The following EXOC2 variants were observed in gnomAD, a reference collection of about 807,000 sequenced individuals.
The protein encoded by EXOC2 is SEC5-like 1.
A neutral mutation model predicts 131.8 loss-of-function variants in EXOC2; 70 were observed. The observed-to-expected ratio is 0.53, with a 90% confidence interval of 0.44 to 0.65. The LOEUF (loss-of-function observed/expected upper bound fraction) is 0.65. Among genes scored for constraint, EXOC2 ranks in the 30% least tolerant of loss-of-function variants. The pLI, the probability that EXOC2 is intolerant of heterozygous loss-of-function variation, is 0.00. For synonymous variants in EXOC2, 411 were observed against 398.4 expected, an observed-to-expected ratio of 1.03 and a Z score of -0.38; for missense variants, 923 against 1,108.6, an observed-to-expected ratio of 0.83 and a Z score of 2.38.
intron 4 of EXOC2, among the ~76,000 whole-genome samples, chr6:629,146 C>T (rs1037852303): frequency 6.6e-6 from 1 of 152,196 alleles, no homozygotes; most frequent in African/African-American, 2.4e-5. Context: ...AAAGTATTAA[C>T]AGTGCTAATT....
At chr6:656,485 C>G in intron 1 of EXOC2, 2 of 1,609,196 alleles carry the variant, frequency 1.2e-6, no homozygotes, top group Non-Finnish European at 1.7e-6. Context: ...ATGCTCGCGT[C>G]GGAGGCGCGC....
chr6:587,551 T>C (rs1023125285), intron 11 of EXOC2, among the ~76,000 whole-genome samples: 6 of 152,248 alleles, frequency 3.9e-5, no homozygotes, highest in African/African-American at 1.4e-4. Flanking sequence ...GCCATAGATA[T>C]GTGTATATTA....
In EXOC2 at chr6:566,960, C is replaced by T. The variant is rs571447863; in HGVS notation, c.1444-2031G>A. ...ACTGCGAGCAACGTCAGAATTCTTG[C>T]TTTCCTCTCCCTCACCTGAACACCA... is the stretch of plus-strand genomic sequence containing the variant. On this transcript the variant is annotated intron_variant, in intron 13 of 27. Transcript: ENST00000230449. Among the ~76,000 whole-genome samples, 124 of 152,286 alleles carry T rather than the reference C, an allele frequency of 8.1e-4. 1 individual carries two copies. The highest frequency in any genetic ancestry group is 2.6e-3 in the African/African-American group (107 of 41,532).
In EXOC2 at chr6:645,238, TAA is replaced by T. The variant is rs536703571; in HGVS notation, c.-43-7379_-43-7378del. Among the ~76,000 whole-genome samples, 11 of 121,586 alleles carry T rather than the reference TAA, an allele frequency of 9.0e-5. No homozygotes were observed. The East Asian group carries it at 1.1e-3, about 12-fold the overall frequency. 79.8% of individuals were successfully genotyped at this position (121,586 alleles called of 152,430 possible). A position where few individuals can be genotyped will look rare whatever the true frequency, so the allele number is the denominator to read the frequency against. On this transcript the variant is annotated intron_variant, in intron 1 of 27. Coordinates refer to ENST00000230449, the MANE Select transcript of EXOC2 (RefSeq NM_018303.6). ...GTGTTGAAAAAACTGGATAGCTACA[TAA>T]AAAAAAAAAAAGGAATGTTAACTGC...
intron 26 of EXOC2, among the ~76,000 whole-genome samples, chr6:490,201 C>T (rs1055816058): frequency 6.6e-6 from 1 of 152,118 alleles, no homozygotes; most frequent in Non-Finnish European, 1.5e-5. Flanking sequence ...CATTTAACAC[C>T]CTCAAAAGCT....
intron 1 of EXOC2, among the ~76,000 whole-genome samples, chr6:641,285 T>C (rs1467777081): frequency 6.6e-6 from 1 of 152,026 alleles, no homozygotes; most frequent in East Asian, 1.9e-4. Flanking sequence ...TGGGGTATGT[T>C]GTATAATAGA....
rs535625221 is a variant in EXOC2 at position 678,619 on chromosome 6, G to T, written c.-44+14400C>A. 1.4e-3 allele frequency among the ~76,000 whole-genome samples: 212 copies of T among 152,322 alleles called. 1 individual carries two copies. Among genetic ancestry groups the T allele is most frequent in the African/African-American group, 4.5e-3 (185 of 41,570 alleles). ...TTGTGCTGCATAACTTAAGAAAGAT[G>T]AAAGCAGCAGGCAGAGAGGGCTGAC... On this transcript the variant is annotated intron_variant, in intron 1 of 27. Coordinates refer to ENST00000230449, the MANE Select transcript of EXOC2 (RefSeq NM_018303.6).
chr6:654,301 A>G (rs954133841), intron 1 of EXOC2, among the ~76,000 whole-genome samples: 1 of 152,228 alleles, frequency 6.6e-6, no homozygotes, highest in Non-Finnish European at 1.5e-5. Context: ...GGATCTTGGC[A>G]AAGTGAATGG....
In EXOC2 at chr6:485,999, TAA is replaced by T. The variant is rs1017901745; in HGVS notation, c.*670_*671del. The T allele has an allele frequency of 1.3e-5, 2 of 152,030 alleles. No homozygotes were observed. Among genetic ancestry groups the T allele is most frequent in the East Asian group, 1.9e-4 (1 of 5,190 alleles). The allele number at this position is 152,030 out of a possible 1,614,324, so 9.4% of individuals were successfully genotyped here. A position where few individuals can be genotyped will look rare whatever the true frequency, so the allele number is the denominator to read the frequency against. On this transcript the variant is annotated 3_prime_UTR_variant, in exon 28 of 28. Coordinates refer to ENST00000230449, the MANE Select transcript of EXOC2 (RefSeq NM_018303.6). ...GCATGTGTAGTGACGCACGACAAAT[TAA>T]GAGTGAGTGAGAATGAAAGCTCATG...
chr6:640,377 T>C (rs2127720303), intron 1 of EXOC2, among the ~76,000 whole-genome samples: 1 of 152,104 alleles, frequency 6.6e-6, no homozygotes, highest in Non-Finnish European at 1.5e-5. Context: ...CCAAAGGGAA[T>C]GAGGAAAGAT....
Position 564,569 on chromosome 6 carries a change from A to C in EXOC2, c.1643T>G (p.Leu548Arg). Reference sequence around the variant, plus strand: ...CCTTACAGTCTGGATGGCGTGAGCGAGCCACTGTCCGGAGAGCTCGCACTT... The same window carrying C: ...CCTTACAGTCTGGATGGCGTGAGCGCGCCACTGTCCGGAGAGCTCGCACTT... The part of the protein sequence containing the change: ...EVKCELSGQW[L>R]AHAIQTVRLT... Residue 548 changes from leucine to arginine, a missense_variant, in exon 15 of 28, where the codon CTC (leucine) becomes CGC (arginine). By Grantham distance (102) the Leu-to-Arg change is moderately radical (BLOSUM62 -2). Coordinates refer to ENST00000230449, the MANE Select transcript of EXOC2 (RefSeq NM_018303.6). 6.2e-7 allele frequency: 1 copy of C among 1,614,208 alleles called. No individual in the cohort carries two copies. The highest frequency in any genetic ancestry group is 8.5e-7 in the Non-Finnish European group (1 of 1,180,050).
intron 11 of EXOC2, 131 bp downstream of exon 11, chr6:592,338 A>G (rs913612663): frequency 6.4e-6 from 5 of 786,098 alleles, no homozygotes; most frequent in African/African-American, 1.7e-5. Flanking sequence ...AAAAACCACA[A>G]AACAAGCAAA....
chr6:572,426 C>T, intron 13 of EXOC2, 94 bp downstream of exon 13: 1 of 1,454,864 alleles, frequency 6.9e-7, no homozygotes, highest in Non-Finnish European at 9.2e-7. Flanking sequence ...GATGTTGGGC[C>T]TCTACATTTT....
At chr6:501,974 G>A (rs1261171828) in intron 23 of EXOC2, among the ~76,000 whole-genome samples, 1 of 152,078 alleles carries the variant, frequency 6.6e-6, no homozygotes, top group Non-Finnish European at 1.5e-5. Context: ...TCCCGCAGGA[G>A]GAAAGCCACA....
chr6:634,573 G>C (rs1241393219), intron 2 of EXOC2, among the ~76,000 whole-genome samples: 1 of 152,134 alleles, frequency 6.6e-6, no homozygotes, highest in Non-Finnish European at 1.5e-5. Flanking sequence ...TATTTAGTAA[G>C]AATGTTAAAC....
intron 23 of EXOC2, among the ~76,000 whole-genome samples, chr6:510,483 T>G (rs1764778147): frequency 1.2e-4 from 18 of 152,126 alleles, no homozygotes; most frequent in Admixed American, 1.2e-3. Flanking sequence ...TTGCCAACAG[T>G]GAAAATAACA....
intron 2 of EXOC2, among the ~76,000 whole-genome samples, chr6:637,111 C>A (rs987253441): frequency 1.3e-5 from 2 of 151,824 alleles, no homozygotes; most frequent in African/African-American, 4.8e-5. Context: ...GGTGTGGTGT[C>A]CTAACCATTC....
At chr6:524,842 C>T (rs1765656094) in intron 23 of EXOC2, 1 of 151,744 alleles carries the variant, frequency 6.6e-6, no homozygotes, top group Non-Finnish European at 1.5e-5. Context: ...ACATATCAAC[C>T]ATTTCTGATT....
chr6:514,795 G>A (rs1278280911), intron 23 of EXOC2, among the ~76,000 whole-genome samples: 1 of 152,230 alleles, frequency 6.6e-6, no homozygotes, highest in East Asian at 1.9e-4. Context: ...AGAACCAGCA[G>A]GCAGGCCCTG....
Sources: gnomAD v4.1 joint callset for allele counts (sites outside exome capture counted in the v4.1 genomes callset) on GRCh38, gnomAD v4.1.1 for gene constraint, MANE v1.5 for transcripts, NCBI Gene and HGNC (gene_info 2026-07-23, HGNC 2026-07-21) for gene names.